SMCHD1: variants seen among roughly 807,000 people sequenced by gnomAD.
The protein encoded by SMCHD1 is structural maintenance of chromosomes flexible hinge domain-containing protein 1.
SMCHD1 carries 78 observed loss-of-function variants against 254.7 expected under a neutral mutation model. The ratio of observed to expected loss-of-function variants is 0.31; its 90% confidence interval spans 0.26 to 0.37. SMCHD1 has a LOEUF of 0.37. Among genes scored for constraint, SMCHD1 ranks in the 10% least tolerant of loss-of-function variants. SMCHD1 has a pLI of 1.00. For missense variants in SMCHD1, 1,840 were observed against 2,408.1 expected, an observed-to-expected ratio of 0.76 and a Z score of 4.94; for synonymous variants, 766 against 794.9, an observed-to-expected ratio of 0.96 and a Z score of 0.61.
chr18:2,772,435 G>T, intron 41 of SMCHD1, 63 bp downstream of exon 41: 1 of 1,375,258 alleles, frequency 7.3e-7, no homozygotes, highest in Non-Finnish European at 9.5e-7. Context: ...TTTAAAACGG[G>T]TCTTCTAAAA....
intron 5 of SMCHD1, among the ~76,000 whole-genome samples, chr18:2,686,662 A>G (rs893294053): frequency 5.9e-5 from 9 of 152,022 alleles, no homozygotes; most frequent in Admixed American, 3.3e-4. Flanking sequence ...TATAAATGCA[A>G]ACTTGTGTGG....
Position 2,728,835 on chromosome 18 carries a change from C to T in SMCHD1, c.2913+239C>T, listed in dbSNP as rs1598375933. 8 of 381,706 alleles carry T rather than the reference C, an allele frequency of 2.1e-5. No individual in the cohort carries two copies. The South Asian group carries it at 4.1e-4, about 20-fold the overall frequency. 23.6% of individuals were successfully genotyped at this position (381,706 alleles called of 1,614,324 possible). ...ATAAAAGTTTACTCACCTCTCCTCTCTTGACTCCATGCCTCTCATTTCATA... is the reference window on the plus strand; with the variant it reads ...ATAAAAGTTTACTCACCTCTCCTCTTTTGACTCCATGCCTCTCATTTCATA... On this transcript the variant is annotated intron_variant, in intron 23 of 47. Coordinates refer to ENST00000320876, the MANE Select transcript of SMCHD1 (RefSeq NM_015295.3).
chr18:2,671,760 G>A (rs957893601), intron 3 of SMCHD1, among the ~76,000 whole-genome samples: 2 of 150,664 alleles, frequency 1.3e-5, no homozygotes, highest in Non-Finnish European at 3.0e-5. Flanking sequence ...CACGCCTGGC[G>A]AATTTTTTTG....
At chr18:2,768,675 A>G (rs1305972653) in intron 37 of SMCHD1, among the ~76,000 whole-genome samples, 1 of 150,828 alleles carries the variant, frequency 6.6e-6, no homozygotes, top group Admixed American at 6.6e-5. Flanking sequence ...ATAGTGTACT[A>G]TATACTATAC....
At chr18:2,706,627 G>T (rs1447841770) in intron 15 of SMCHD1, 157 bp downstream of exon 15, 2 of 464,808 alleles carry the variant, frequency 4.3e-6, no homozygotes, top group African/African-American at 2.0e-5. Context: ...AAAATTAAGA[G>T]GTCTAGTTAT....
At chr18:2,678,217 CTTTCTT>C (rs749236440) in intron 5 of SMCHD1, among the ~76,000 whole-genome samples, 3 of 30,342 alleles carry the variant, frequency 9.9e-5, no homozygotes, top group South Asian at 5.0e-3. Flanking sequence ...TCTTTTCTTT[CTTTCTT>C]TTTCTTTCTT....
chr18:2,666,108 C>A, intron 1 of SMCHD1, 49 bp from the exon 2 acceptor site: 3 of 826,568 alleles, frequency 3.6e-6, no homozygotes, highest in Non-Finnish European at 5.8e-6. Flanking sequence ...TTGAATAATA[C>A]ATTTATTTCC....
At chr18:2,712,908 T>G (rs62084223) in intron 17 of SMCHD1, among the ~76,000 whole-genome samples, 29,318 of 152,152 alleles carry the variant, frequency 0.19, 3,094 homozygotes, top group South Asian at 0.27. Flanking sequence ...TTCCTCTCTC[T>G]CCAACTTGAT....
Position 2,769,826 on chromosome 18 carries a change from T to C in SMCHD1, c.4846+6T>C, listed in dbSNP as rs894435722. ...ACCGTTCATGTTTTACAATGGTAAG[T>C]TTCTAGGAAATAAATGGTTAAACTC... On this transcript the variant is annotated splice_donor_region_variant and intron_variant, in intron 38 of 47. Coordinates refer to ENST00000320876, the MANE Select transcript of SMCHD1 (RefSeq NM_015295.3). 2.5e-6 allele frequency: 4 copies of C among 1,595,110 alleles called. No homozygotes were observed. The highest frequency in any genetic ancestry group is 3.4e-6 in the Non-Finnish European group (4 of 1,170,432).
rs190515002 is a variant in SMCHD1 at position 2,665,713 on chromosome 18, T to C, written c.187-444T>C. On this transcript the variant is annotated intron_variant, in intron 1 of 47. Coordinates refer to ENST00000320876, the MANE Select transcript of SMCHD1 (RefSeq NM_015295.3). ...CAAAGCATGGCTGTTCTTCCCTCCGTGCTATAAAATGCTAACTTCTGTTTT... is the reference window on the plus strand; with the variant it reads ...CAAAGCATGGCTGTTCTTCCCTCCGCGCTATAAAATGCTAACTTCTGTTTT... Among the ~76,000 whole-genome samples the C allele has an allele frequency of 2.7e-3, 407 of 152,366 alleles. 1 individual carries two copies. Among genetic ancestry groups the C allele is most frequent in the Non-Finnish European group, 4.7e-3 (318 of 68,034 alleles).
intron 41 of SMCHD1, among the ~76,000 whole-genome samples, chr18:2,774,217 C>T (rs745650590): frequency 5.9e-5 from 9 of 152,012 alleles, no homozygotes; most frequent in Non-Finnish European, 1.0e-4. Context: ...TTTTACAAAA[C>T]ACATCTAAAT....
intron 5 of SMCHD1, among the ~76,000 whole-genome samples, chr18:2,677,963 A>T (rs1469553063): frequency 6.6e-6 from 1 of 152,198 alleles, no homozygotes; most frequent in African/African-American, 2.4e-5. Flanking sequence ...TAGGGATTAC[A>T]ACCAGCATCT....
intron 44 of SMCHD1, among the ~76,000 whole-genome samples, chr18:2,782,434 G>T (rs144149611): frequency 6.8e-4 from 103 of 152,234 alleles, no homozygotes; most frequent in African/African-American, 2.3e-3. Context: ...ATACATTTTA[G>T]TGTATTTATT....
At chr18:2,708,866 TCATATATATATATATATA>T (rs2074583721) in intron 17 of SMCHD1, among the ~76,000 whole-genome samples, 1 of 18,106 alleles carries the variant, frequency 5.5e-5, no homozygotes, top group African/African-American at 2.7e-4. Flanking sequence ...TTCAATAACT[TCATATATATATATATATA>T]TATATATATA....
Position 2,796,465 on chromosome 18 carries a change from G to C in SMCHD1, c.5937G>C (p.Thr1979=). ...DSLRHSPKVE[T]TDCPVPPKRM... is the part of the protein sequence containing the mutation. ...TGCGTCATTCACCAAAGGTTGAGAC[G>C]ACAGATTGTCCAGTTCCTCCTAAAA... Residue 1979 remains threonine (T), a synonymous_variant, in exon 47 of 48, where the codon ACG becomes ACC. Coordinates refer to ENST00000320876, the MANE Select transcript of SMCHD1 (RefSeq NM_015295.3). The C allele has an allele frequency of 6.2e-7, 1 of 1,605,976 alleles. No individual in the cohort carries two copies. Among genetic ancestry groups the C allele is most frequent in the Non-Finnish European group, 8.5e-7 (1 of 1,176,198 alleles).
intron 3 of SMCHD1, among the ~76,000 whole-genome samples, chr18:2,669,333 G>A (rs2073531301): frequency 1.3e-5 from 2 of 152,188 alleles, no homozygotes; most frequent in East Asian, 1.9e-4. Context: ...GGGCAACAGA[G>A]TGAGCCTCTC....
At chr18:2,733,195 T>C (rs2075176161) in intron 25 of SMCHD1, among the ~76,000 whole-genome samples, 1 of 152,192 alleles carries the variant, frequency 6.6e-6, no homozygotes, top group African/African-American at 2.4e-5. Context: ...TCTTCTATAA[T>C]GAGACACATG....
chr18:2,750,658 C>T (rs1463914156), intron 32 of SMCHD1, among the ~76,000 whole-genome samples, 151 bp downstream of exon 32: 1 of 151,228 alleles, frequency 6.6e-6, no homozygotes, highest in Non-Finnish European at 1.5e-5. Flanking sequence ...GATGTTAAGT[C>T]AATAGGAAAT....
At chr18:2,691,512 G>T (rs1385637208) in intron 7 of SMCHD1, among the ~76,000 whole-genome samples, 1 of 152,216 alleles carries the variant, frequency 6.6e-6, no homozygotes, top group Admixed American at 6.5e-5. Flanking sequence ...CTTTTCTAAA[G>T]ATGTGTTATT....
Sources: allele counts gnomAD v4.1 joint callset (sites outside exome capture counted in the v4.1 genomes callset), GRCh38; gene constraint gnomAD v4.1.1; transcripts MANE v1.5; gene names NCBI Gene and HGNC (gene_info 2026-07-23, HGNC 2026-07-21).